SPESP1: variants seen among roughly 807,000 people sequenced by gnomAD.
The protein encoded by SPESP1 is sperm equatorial segment protein 1.
SPESP1 carries 1 observed loss-of-function variant against 3.1 expected under a neutral mutation model. That is an observed-to-expected ratio of 0.33 (90% CI 0.12 to 1.54). The LOEUF is 1.54. Among genes scored for constraint, SPESP1 ranks in the 40% most tolerant of loss-of-function variants. SPESP1 has a pLI of 0.38. For synonymous variants in SPESP1, 138 were observed against 150.7 expected (o/e 0.92, Z 0.62); for missense variants, 398 against 410.1 (o/e 0.97, Z 0.26).
chr15:68,940,083 T>G lies in SPESP1; in HGVS notation c.65-5516T>G, dbSNP rs74020556. 8.7e-3 allele frequency among the ~76,000 whole-genome samples: 1,324 copies of G among 152,302 alleles called. 20 individuals are homozygous for G. The highest frequency in any genetic ancestry group is 0.03 in the African/African-American group (1,258 of 41,564). The stretch of plus-strand genomic sequence containing the variant: ...TACACAAGTACAAAGAATTACATAA[T>G]CTCCACATATTTATAATAGCTTCAG... On this transcript the variant is annotated intron_variant, in intron 1 of 1. Coordinates refer to ENST00000310673, the MANE Select transcript of SPESP1 (RefSeq NM_145658.4).
chr15:68,945,823 G>GTAACCA lies in SPESP1; in HGVS notation c.289_290insTAACCA (p.Glu97delinsValThrLys). Reference sequence around the variant, plus strand: ...TGTTTTAACCAATCCTATCAGTGAAGAAACTACAACTTTCCCTACAGGAGG... The same window carrying GTAACCA: ...TGTTTTAACCAATCCTATCAGTGAAGTAACCAAAACTACAACTTTCCCTACAGGAGG... On this transcript the variant is annotated protein_altering_variant, in exon 2 of 2. Coordinates refer to ENST00000310673, the MANE Select transcript of SPESP1 (RefSeq NM_145658.4). 6.2e-7 allele frequency: 1 copy of GTAACCA among 1,614,060 alleles called. No individual in the cohort carries two copies. The highest frequency in any genetic ancestry group is 8.5e-7 in the Non-Finnish European group (1 of 1,179,998).
intron 1 of SPESP1, among the ~76,000 whole-genome samples, chr15:68,936,132 A>T (rs2140420078): frequency 6.6e-6 from 1 of 152,334 alleles, no homozygotes; most frequent in African/African-American, 2.4e-5. Flanking sequence ...TGTGTGGACC[A>T]TCTATAAGTG....
intron 1 of SPESP1, among the ~76,000 whole-genome samples, chr15:68,943,327 C>T (rs187657026): frequency 1.1e-3 from 169 of 152,136 alleles, no homozygotes; most frequent in Admixed American, 3.3e-3. Flanking sequence ...ATGTTTTATG[C>T]TTTCTTTTTC....
At chr15:68,942,590 A>G (rs1895855592) in intron 1 of SPESP1, among the ~76,000 whole-genome samples, 1 of 152,170 alleles carries the variant, frequency 6.6e-6, no homozygotes, top group Non-Finnish European at 1.5e-5. Context: ...TTTAGGGAAC[A>G]TGTTTTTCTA....
chr15:68,946,663 G>A lies in SPESP1; in HGVS notation c.*76G>A. 2.1e-5 allele frequency: 28 copies of A among 1,304,940 alleles called. No homozygotes were observed. Among genetic ancestry groups the A allele is most frequent in the Non-Finnish European group, 2.5e-5 (26 of 1,021,204 alleles). 80.8% of individuals were successfully genotyped at this position (1,304,940 alleles called of 1,614,324 possible). On this transcript the variant is annotated 3_prime_UTR_variant, in exon 2 of 2. Coordinates refer to ENST00000310673, the MANE Select transcript of SPESP1 (RefSeq NM_145658.4). ...TTTAAGCAAACTGCATTTTTTCACA[G>A]GAGAAATAATCATATTCGTAATTTC...
intron 1 of SPESP1, among the ~76,000 whole-genome samples, chr15:68,934,649 T>C (rs1303942516): frequency 6.6e-6 from 1 of 152,218 alleles, no homozygotes; most frequent in African/African-American, 2.4e-5. Flanking sequence ...GTTCTGTTGA[T>C]CATATTATCC....
At chr15:68,941,089 CT>C (rs1271324786) in intron 1 of SPESP1, among the ~76,000 whole-genome samples, 1 of 151,852 alleles carries the variant, frequency 6.6e-6, no homozygotes, top group Non-Finnish European at 1.5e-5. Flanking sequence ...ATTTTAATAT[CT>C]GATAAGGCTA....
At chr15:68,938,389 C>T (rs966503629) in intron 1 of SPESP1, among the ~76,000 whole-genome samples, 13 of 151,796 alleles carry the variant, frequency 8.6e-5, no homozygotes, top group Non-Finnish European at 1.5e-4. Context: ...TTTTGTAAGT[C>T]ATTGATTGTC....
intron 1 of SPESP1, among the ~76,000 whole-genome samples, chr15:68,936,104 A>G (rs2140420029): frequency 6.6e-6 from 1 of 152,336 alleles, no homozygotes; most frequent in South Asian, 2.1e-4. Flanking sequence ...CTCCAAAGTT[A>G]TGGACATTCA....
At chr15:68,942,927 T>TTATAAG (rs6145618) in intron 1 of SPESP1, among the ~76,000 whole-genome samples, 133,447 of 151,806 alleles carry the variant, frequency 0.88, 59,376 homozygotes, top group Non-Finnish European at 0.96. Flanking sequence ...ACAATGCATT[T>TTATAAG]TATGAGTTTA....
chr15:68,940,457 T>C (rs1595719801), intron 1 of SPESP1, among the ~76,000 whole-genome samples: 1 of 152,332 alleles, frequency 6.6e-6, no homozygotes, highest in East Asian at 1.9e-4. Context: ...CTGGTTAGTG[T>C]TTCTGATTGT....
At position 68,932,430 on chromosome 15, in the gene SPESP1, G is replaced by C. The variant is rs137999705; in HGVS notation, c.64+1713G>C. On this transcript the variant is annotated intron_variant, in intron 1 of 1. Transcript: ENST00000310673. ...GCCTGAGACAGGGTCTCACTCTCTA[G>C]CTCAGACTAGAGTGCAGTGGCCCGA... Among the ~76,000 whole-genome samples, 50 of 135,104 alleles carry C rather than the reference G, an allele frequency of 3.7e-4. 1 individual carries two copies. The East Asian group carries it at 0.011, about 29-fold the overall frequency. 88.6% of individuals were successfully genotyped at this position (135,104 alleles called of 152,430 possible).
At chr15:68,944,481 A>G (rs1017906899) in intron 1 of SPESP1, among the ~76,000 whole-genome samples, 4 of 152,142 alleles carry the variant, frequency 2.6e-5, no homozygotes, top group African/African-American at 9.7e-5. Context: ...AATAAAAGAC[A>G]GGAAATATTT....
rs1895961655 is a variant in SPESP1 at position 68,946,246 on chromosome 15, C to T, written c.712C>T (p.Gln238Ter). The T allele has an allele frequency of 6.2e-7, 1 of 1,613,954 alleles. No individual in the cohort carries two copies. The highest frequency in any genetic ancestry group is 1.3e-5 in the African/African-American group (1 of 74,910). Residue 238 changes from glutamine (Q) to a stop codon, truncating the protein, a stop_gained, in exon 2 of 2, where the codon CAA (glutamine) becomes TAA (stop). Coordinates refer to ENST00000310673, the MANE Select transcript of SPESP1 (RefSeq NM_145658.4). LOFTEE classifies it low-confidence loss of function (END_TRUNC). ...AATTTTAGATATTAATTCACAAGTG[C>T]AACAGGCACTTCTTAGTGACACCAG... ...KKILDINSQV[Q>*]QALLSDTSNP...
chr15:68,932,022 T>G (rs1895555963), intron 1 of SPESP1, among the ~76,000 whole-genome samples: 1 of 152,264 alleles, frequency 6.6e-6, no homozygotes, highest in Non-Finnish European at 1.5e-5. Flanking sequence ...AAGTTCTAGA[T>G]GAAGTTCTAG....
chr15:68,935,716 C>T (rs1478070144), intron 1 of SPESP1, among the ~76,000 whole-genome samples: 1 of 152,166 alleles, frequency 6.6e-6, no homozygotes, highest in African/African-American at 2.4e-5. Flanking sequence ...TTAATATGAA[C>T]ATAATTACTT....
rs750391179 is a variant in SPESP1, at chr15:68,946,279, G to A, written c.745G>A (p.Ala249Thr). Residue 249 changes from alanine to threonine, a missense_variant, in exon 2 of 2, where the codon GCA becomes ACA. Ala to Thr is a moderately conservative substitution (Grantham distance 58, BLOSUM62 0). Transcript: ENST00000310673. ...QALLSDTSNP[A>T]YREDIEASKD... ...ACTTCTTAGTGACACCAGCAACCCA[G>A]CATATAGAGAAGATATTGAAGCCTC... 1 of 1,614,060 alleles carries A rather than the reference G, an allele frequency of 6.2e-7. No homozygotes were observed.
rs1005426138 is a variant in SPESP1, at chr15:68,946,713, A to G, written c.*126A>G. 50 of 1,187,984 alleles carry G rather than the reference A, an allele frequency of 4.2e-5. No individual in the cohort carries two copies. The highest frequency in any genetic ancestry group is 8.6e-6 in the Non-Finnish European group (8 of 926,316). 73.6% of individuals were successfully genotyped at this position (1,187,984 alleles called of 1,614,324 possible). On this transcript the variant is annotated 3_prime_UTR_variant, in exon 2 of 2. Coordinates refer to ENST00000310673, the MANE Select transcript of SPESP1 (RefSeq NM_145658.4). ...CAAAAGTTGTATAAAAATATTTTCTATTGTAGTTCAAATGTGCCAACATCT... is the reference window on the plus strand; with the variant it reads ...CAAAAGTTGTATAAAAATATTTTCTGTTGTAGTTCAAATGTGCCAACATCT...
chr15:68,931,065 G>T (rs1176546273), intron 1 of SPESP1, among the ~76,000 whole-genome samples: 4 of 152,180 alleles, frequency 2.6e-5, no homozygotes, highest in Non-Finnish European at 5.9e-5. Flanking sequence ...GGCCAGCTAG[G>T]AATGATTTTT....
Sources: gnomAD v4.1 joint callset for allele counts (sites outside exome capture counted in the v4.1 genomes callset) on GRCh38, gnomAD v4.1.1 for gene constraint, MANE v1.5 for transcripts, NCBI Gene and HGNC (gene_info 2026-07-23, HGNC 2026-07-21) for gene names.